ARIH1: variants seen among roughly 807,000 people sequenced by gnomAD.
ARIH1 encodes the protein E3 ubiquitin-protein ligase ARIH1.
Under a neutral mutation model 85.0 loss-of-function variants are expected in ARIH1, and 8 were observed. The ratio of observed to expected loss-of-function variants is 0.09; its 90% CI spans 0.06 to 0.17. The LOEUF is 0.17. ARIH1 is among the 10% of genes least tolerant of loss of function. The probability of loss-of-function intolerance (pLI) is 1.00; values close to 1 mark genes in which losing one functional copy is unlikely to be tolerated. For missense variants in ARIH1, 311 were observed against 718.1 expected (o/e 0.43, Z 6.48); for synonymous variants, 238 against 253.6 (o/e 0.94, Z 0.59).
intron 1 of ARIH1, among the ~76,000 whole-genome samples, chr15:72,508,444 T>C (rs1327611630): frequency 1.3e-5 from 2 of 152,214 alleles, no homozygotes; most frequent in African/African-American, 4.8e-5. Context: ...AGTGGTGCTA[T>C]AATCATAAAT....
chr15:72,543,305 C>T (rs1273060848), intron 2 of ARIH1, among the ~76,000 whole-genome samples: 1 of 151,664 alleles, frequency 6.6e-6, no homozygotes, highest in Non-Finnish European at 1.5e-5. Flanking sequence ...TGCAGGGAGC[C>T]GAGATGGCGC....
At position 72,474,560 on chromosome 15, in the gene ARIH1, C is replaced by G; in HGVS notation, c.-80C>G. ...CCTGCGTCCGGACATCAGCCGGAGC[C>G]GGAGCGAGAGCCGGGGCCTCGGCGT... On this transcript the variant is annotated 5_prime_UTR_variant, in exon 1 of 14. Coordinates refer to ENST00000379887, the MANE Select transcript of ARIH1 (RefSeq NM_005744.5). 6.9e-7 allele frequency: 1 copy of G among 1,454,470 alleles called. No individual in the cohort carries two copies. The allele number at this position is 1,454,470 out of a possible 1,614,324, so 90.1% of individuals were successfully genotyped here.
intron 1 of ARIH1, among the ~76,000 whole-genome samples, chr15:72,507,020 G>GTATGTATGTATT: frequency 1.3e-5 from 1 of 76,472 alleles, no homozygotes; most frequent in African/African-American, 4.0e-5. Flanking sequence ...ATGTATGTAT[G>GTATGTATGTATT]TATTTATTTA....
intron 2 of ARIH1, among the ~76,000 whole-genome samples, chr15:72,521,802 A>G (rs1298483503): frequency 6.6e-6 from 1 of 151,470 alleles, no homozygotes; most frequent in Non-Finnish European, 1.5e-5. Flanking sequence ...TCCCCTCTCT[A>G]CCTCCCAAAG....
chr15:72,480,774 AG>A (rs1337901674), intron 1 of ARIH1, among the ~76,000 whole-genome samples: 8 of 152,124 alleles, frequency 5.3e-5, no homozygotes, highest in African/African-American at 1.7e-4. Context: ...CATGTTGGTC[AG>A]GCTGGTCTCA....
chr15:72,524,482 G>C (rs754419533), intron 2 of ARIH1, among the ~76,000 whole-genome samples: 3 of 152,192 alleles, frequency 2.0e-5, no homozygotes, highest in Non-Finnish European at 2.9e-5. Context: ...CCAAAGTGCT[G>C]TGTGAGCCAC....
Position 72,563,426 on chromosome 15 carries a change from A to G in ARIH1, c.837A>G (p.Pro279=), listed in dbSNP as rs1264215078. The change falls in exon 7 of 14, where the codon CCA becomes CCG. Residue 279 remains proline, a synonymous_variant. Transcript: ENST00000379887. Reference sequence around the variant, plus strand: ...GACTGTTAAAGTGGTGTCCTGCCCCAGATTGCCACCATGTTGTTAAAGTCC... The same window carrying G: ...GACTGTTAAAGTGGTGTCCTGCCCCGGATTGCCACCATGTTGTTAAAGTCC... ...CNRLLKWCPA[P]DCHHVVKVQY... is the part of the protein sequence containing the mutation. The G allele has an allele frequency of 6.8e-6, 11 of 1,614,074 alleles. No homozygotes were observed. Among genetic ancestry groups the G allele is most frequent in the Non-Finnish European group, 9.3e-6 (11 of 1,179,976 alleles).
At chr15:72,540,684 TGTA>T (rs2064103186) in intron 2 of ARIH1, among the ~76,000 whole-genome samples, 1 of 152,156 alleles carries the variant, frequency 6.6e-6, no homozygotes, top group Admixed American at 6.5e-5. Flanking sequence ...CCAAGCCACA[TGTA>T]GTGGTGTGCA....
rs2064379889 is a variant in ARIH1 at position 72,600,789 on chromosome 15, G to A, written c.*17497G>A. On this transcript the variant is annotated 3_prime_UTR_variant, in exon 14 of 14. Transcript: ENST00000379887. ...ACCAATGTCCTTTCTTATTGAAAAAGGCCCTGGTACAGAAAGTGTTCTATC... is the reference window on the plus strand; with the variant it reads ...ACCAATGTCCTTTCTTATTGAAAAAAGCCCTGGTACAGAAAGTGTTCTATC... The A allele has an allele frequency of 6.6e-6, 1 of 152,122 alleles. No homozygotes were observed. The highest frequency in any genetic ancestry group is 6.5e-5 in the Admixed American group (1 of 15,274). The allele number at this position is 152,122 out of a possible 1,614,324, so 9.4% of individuals were successfully genotyped here.
rs370102638 is a variant in ARIH1, at chr15:72,578,004, G to C, written c.1216-2727G>C. 1.6e-4 allele frequency among the ~76,000 whole-genome samples: 25 copies of C among 152,244 alleles called. No individual in the cohort carries two copies. The East Asian group carries it at 3.9e-3, about 24-fold the overall frequency. ...AGTCTTAAGTAATCAGAACCCTTCT[G>C]CCAAATTGTCTAATGTCAATTTATT... is the stretch of plus-strand genomic sequence containing the variant. On this transcript the variant is annotated intron_variant, in intron 11 of 13. Coordinates refer to ENST00000379887, the MANE Select transcript of ARIH1 (RefSeq NM_005744.5).
chr15:72,548,552 A>AT (rs1216813178), intron 3 of ARIH1, among the ~76,000 whole-genome samples: 5 of 152,178 alleles, frequency 3.3e-5, no homozygotes, highest in African/African-American at 1.2e-4. Flanking sequence ...AAGGAACAAC[A>AT]TGGGTTGGCA....
chr15:72,475,897 G>C (rs147845849), intron 1 of ARIH1, among the ~76,000 whole-genome samples: 16 of 152,070 alleles, frequency 1.1e-4, no homozygotes, highest in African/African-American at 3.6e-4. Context: ...AACCATGTGC[G>C]TCAGATTTTG....
At chr15:72,529,423 CCTTA>C (rs1224571944) in intron 2 of ARIH1, among the ~76,000 whole-genome samples, 2 of 152,166 alleles carry the variant, frequency 1.3e-5, no homozygotes, top group Non-Finnish European at 1.5e-5. Flanking sequence ...AGAGATGGGA[CCTTA>C]CTTTGTTGAC....
Position 72,597,983 on chromosome 15 carries a change from G to A in ARIH1, c.*14691G>A, listed in dbSNP as rs561056560. On this transcript the variant is annotated 3_prime_UTR_variant, in exon 14 of 14. Coordinates refer to ENST00000379887, the MANE Select transcript of ARIH1 (RefSeq NM_005744.5). ...GTTTTTGTTTTTATTTTGAGACAGG[G>A]TCTCACTCTTACCCAGCCTGGAGTA... 1 of 152,324 alleles carries A rather than the reference G, an allele frequency of 6.6e-6. No homozygotes were observed. Among genetic ancestry groups the A allele is most frequent in the South Asian group, 2.1e-4 (1 of 4,824 alleles). The allele number at this position is 152,324 out of a possible 1,614,324, so 9.4% of individuals were successfully genotyped here.
chr15:72,535,619 TA>T (rs778903183), intron 2 of ARIH1, among the ~76,000 whole-genome samples: 3 of 152,200 alleles, frequency 2.0e-5, no homozygotes, highest in Non-Finnish European at 4.4e-5. Flanking sequence ...ATCAAAACAA[TA>T]AAAAGACAAT....
chr15:72,551,941 A>G (rs1430075319), intron 3 of ARIH1, among the ~76,000 whole-genome samples: 1 of 152,208 alleles, frequency 6.6e-6, no homozygotes, highest in African/African-American at 2.4e-5. Flanking sequence ...TTTTTCACCT[A>G]TTAGATTGGC....
chr15:72,497,220 A>G (rs1348939018), intron 1 of ARIH1, among the ~76,000 whole-genome samples: 1 of 152,190 alleles, frequency 6.6e-6, no homozygotes. Flanking sequence ...TATTTTGTAA[A>G]CTGGGAGGAG....
In ARIH1 at chr15:72,572,223, T is replaced by C. The variant is rs771699447; in HGVS notation, c.1215+58T>C. 1.4e-5 allele frequency: 17 copies of C among 1,225,712 alleles called. No individual in the cohort carries two copies. The African/African-American group carries it at 2.1e-4, about 15-fold the overall frequency. The allele number at this position is 1,225,712 out of a possible 1,614,324, so 75.9% of individuals were successfully genotyped here. A position where few individuals can be genotyped will look rare whatever the true frequency, so the allele number is the denominator to read the frequency against. The stretch of plus-strand genomic sequence containing the variant: ...TAAGAATGCACGTTGTATATTCATA[T>C]TCATTAGAGAATAATTTTTTTTTTT... On this transcript the variant is annotated intron_variant, in intron 11 of 13. Transcript: ENST00000379887.
At chr15:72,559,502 C>T (rs898984897) in intron 5 of ARIH1, among the ~76,000 whole-genome samples, 11 of 152,082 alleles carry the variant, frequency 7.2e-5, no homozygotes, top group African/African-American at 2.7e-4. Context: ...GAACTCCTGA[C>T]CCCAAGTGAT....
Sources: gnomAD v4.1 joint callset for allele counts (sites outside exome capture counted in the v4.1 genomes callset) on GRCh38, gnomAD v4.1.1 for gene constraint, MANE v1.5 for transcripts, NCBI Gene and HGNC (gene_info 2026-07-23, HGNC 2026-07-21) for gene names.